The following GPR89B variants were observed in gnomAD, a reference collection of about 807,000 sequenced individuals.
GPR89B encodes golgi pH regulator B.
A neutral mutation model predicts 52.4 loss-of-function variants in GPR89B; 25 were observed. The ratio of observed to expected loss-of-function variants is 0.48; its 90% CI spans 0.35 to 0.67. GPR89B has a LOEUF of 0.67. Among genes scored for constraint, GPR89B ranks in the 30% least tolerant of loss-of-function variants. The pLI, the probability that GPR89B is intolerant of heterozygous loss-of-function variation, is 0.01. For missense variants in GPR89B, 146 were observed against 450.2 expected, an observed-to-expected ratio of 0.32 and a Z score of 6.11; for synonymous variants, 52 against 151.2, an observed-to-expected ratio of 0.34 and a Z score of 4.81.
At chr1:147,951,237 A>G (rs1259717203) in intron 5 of GPR89B, among the ~76,000 whole-genome samples, 1 of 151,728 alleles carries the variant, frequency 6.6e-6, no homozygotes, top group African/African-American at 2.4e-5. Context: ...GTTTTCAATA[A>G]TATCTACCTC....
intron 12 of GPR89B, among the ~76,000 whole-genome samples, chr1:147,990,168 T>A (rs28849441): frequency 0.044 from 6,736 of 152,246 alleles, 206 homozygotes; most frequent in African/African-American, 0.073. Flanking sequence ...AACTGGTGTG[T>A]GATGGTATCT....
At chr1:147,981,071 C>T (rs1423187858) in intron 10 of GPR89B, among the ~76,000 whole-genome samples, 3 of 151,598 alleles carry the variant, frequency 2.0e-5, no homozygotes, top group Admixed American at 6.6e-5. Context: ...AGTATATATT[C>T]TTTTTCATAG....
At chr1:147,988,098 G>A (rs1395988016) in intron 11 of GPR89B, among the ~76,000 whole-genome samples, 6,233 of 151,240 alleles carry the variant, frequency 0.041, 180 homozygotes, top group African/African-American at 0.068. Flanking sequence ...CATGCCTGTA[G>A]TACCAACACT....
rs1653186676 is a variant in GPR89B, at chr1:147,928,424, T to C, written c.-113T>C. 1 of 1,283,036 alleles carries C rather than the reference T, an allele frequency of 7.8e-7. No homozygotes were observed. The highest frequency in any genetic ancestry group is 1.5e-5 in the African/African-American group (1 of 67,316). The allele number at this position is 1,283,036 out of a possible 1,614,324, so 79.5% of individuals were successfully genotyped here. The stretch of plus-strand genomic sequence containing the variant: ...ACGGCGTCGGGCTGGAGAGCCGCAG[T>C]CCCGGCTGCAGCACCTGGGAGAAGG... On this transcript the variant is annotated 5_prime_UTR_variant, in exon 1 of 14. Transcript: ENST00000314163.
chr1:147,949,616 C>CG (rs1299317841), intron 5 of GPR89B, among the ~76,000 whole-genome samples: 1 of 137,518 alleles, frequency 7.3e-6, no homozygotes, highest in Non-Finnish European at 1.5e-5. Flanking sequence ...GCTGACGGGG[C>CG]GGGGGGCTGA....
chr1:148,017,333 T>C, the GPR89B span, among the ~76,000 whole-genome samples: 556 of 151,592 alleles, frequency 3.7e-3, 8 homozygotes, highest in East Asian at 0.055. Flanking sequence ...TGAGCCATTG[T>C]GCCCGGCCTA....
the GPR89B span, among the ~76,000 whole-genome samples, chr1:148,007,330 C>T: frequency 1.3e-5 from 2 of 152,154 alleles, no homozygotes; most frequent in Admixed American, 1.3e-4. Context: ...CTGCCTCGGC[C>T]TCCCAAAGTG....
chr1:148,012,465 T>A, the GPR89B span, among the ~76,000 whole-genome samples: 1 of 151,532 alleles, frequency 6.6e-6, no homozygotes, highest in Non-Finnish European at 1.5e-5. Flanking sequence ...GCTTCCTCCC[T>A]ATTCAGTTTA....
chr1:147,963,289 T>C (rs1160708269), intron 7 of GPR89B, among the ~76,000 whole-genome samples: 156 of 149,658 alleles, frequency 1.0e-3, no homozygotes, highest in African/African-American at 3.7e-3. Flanking sequence ...GGCAGGAAAA[T>C]GGCTTGAACC....
chr1:147,983,126 G>A (rs1658397756), intron 10 of GPR89B, among the ~76,000 whole-genome samples: 1 of 152,100 alleles, frequency 6.6e-6, no homozygotes, highest in Non-Finnish European at 1.5e-5. Context: ...CTAGCCATAT[G>A]TAGATGAAAC....
At chr1:147,928,604 A>T (rs782069320) in intron 1 of GPR89B, 26 bp downstream of exon 1, 4 of 1,613,674 alleles carry the variant, frequency 2.5e-6, no homozygotes, top group Admixed American at 1.7e-5. Flanking sequence ...CCGCCCCGAC[A>T]CCCGTCCGCC....
chr1:147,984,322 T>TATAATA (rs1222874992), intron 10 of GPR89B, among the ~76,000 whole-genome samples: 1 of 150,666 alleles, frequency 6.6e-6, no homozygotes, highest in Admixed American at 6.6e-5. Flanking sequence ...AAACTTAAAG[T>TATAATA]ATAATAATAA....
At chr1:148,013,254 G>A in the GPR89B span, among the ~76,000 whole-genome samples, 1 of 152,062 alleles carries the variant, frequency 6.6e-6, no homozygotes, top group Non-Finnish European at 1.5e-5. Context: ...CGCCAGGTGG[G>A]ATGCTGCAAG....
At chr1:147,998,445 C>G (rs1435607415), downstream of GPR89B, among the ~76,000 whole-genome samples, 2 of 149,582 alleles carry the variant, frequency 1.3e-5, no homozygotes, top group African/African-American at 4.9e-5. Flanking sequence ...CACAATGGAG[C>G]CTTTCTCTTT....
intron 3 of GPR89B, among the ~76,000 whole-genome samples, chr1:147,939,353 G>A (rs1333732264): frequency 2.0e-5 from 3 of 151,998 alleles, no homozygotes; most frequent in Non-Finnish European, 4.4e-5. Flanking sequence ...CCAAATAATA[G>A]ACTTGTTAGT....
chr1:147,999,451 T>G, the GPR89B span, among the ~76,000 whole-genome samples: 553 of 145,998 alleles, frequency 3.8e-3, 7 homozygotes, highest in East Asian at 0.032. Flanking sequence ...TACAAAAAAT[T>G]AGCTGGGCAT....
the GPR89B span, chr1:148,021,887 CCT>C: frequency 1.4e-4 from 21 of 147,562 alleles, no homozygotes; most frequent in East Asian, 2.6e-3. Flanking sequence ...CGGTTTCACC[CCT>C]GTTTTCATCT....
intron 1 of GPR89B, among the ~76,000 whole-genome samples, chr1:147,935,544 G>C (rs1278720389): frequency 6.6e-6 from 1 of 152,132 alleles, no homozygotes; most frequent in Non-Finnish European, 1.5e-5. Flanking sequence ...CAAAACTGAC[G>C]AAAGAGGGAT....
the GPR89B span, among the ~76,000 whole-genome samples, chr1:148,001,935 A>T: frequency 2.0e-5 from 3 of 152,124 alleles, no homozygotes; most frequent in East Asian, 1.9e-4. Context: ...TAAGAAACCC[A>T]TGCTGGCATT....
Sources: allele counts gnomAD v4.1 joint callset (sites outside exome capture counted in the v4.1 genomes callset), GRCh38; gene constraint gnomAD v4.1.1; transcripts MANE v1.5; gene names NCBI Gene and HGNC (gene_info 2026-07-23, HGNC 2026-07-21).